UBAP2L: variants seen among roughly 807,000 people sequenced by gnomAD.
UBAP2L encodes the protein ubiquitin-associated protein 2-like.
UBAP2L carries 12 observed loss-of-function variants against 130.6 expected under a neutral mutation model. The ratio of observed to expected loss-of-function variants is 0.09; its 90% CI spans 0.06 to 0.15. The LOEUF is 0.15. UBAP2L is among the 10% of genes least tolerant of loss of function. The pLI, the probability that UBAP2L is intolerant of heterozygous loss-of-function variation, is 1.00. For synonymous variants in UBAP2L, 503 were observed against 524.7 expected, an observed-to-expected ratio of 0.96 and a Z score of 0.57; for missense variants, 965 against 1,332.5, an observed-to-expected ratio of 0.72 and a Z score of 4.29.
chr1:154,237,510 C>T (rs1235927894), intron 8 of UBAP2L, among the ~76,000 whole-genome samples: 1 of 152,162 alleles, frequency 6.6e-6, no homozygotes, highest in Non-Finnish European at 1.5e-5. Flanking sequence ...AGTGTATTTT[C>T]TAGTGTTTAT....
chr1:154,225,055 A>G (rs1667493892), intron 1 of UBAP2L, 29 bp from the exon 2 acceptor site: 1 of 1,548,004 alleles, frequency 6.5e-7, no homozygotes, highest in African/African-American at 1.4e-5. Context: ...GCCCACATTT[A>G]ATACCTAATT....
intron 9 of UBAP2L, 37 bp from the exon 10 acceptor site, chr1:154,243,180 C>T (rs753571836): frequency 1.9e-6 from 3 of 1,579,130 alleles, no homozygotes; most frequent in Non-Finnish European, 2.6e-6. Flanking sequence ...CTGTAGCATC[C>T]CTGACACCAA....
At chr1:154,262,991 C>T in intron 24 of UBAP2L, 2 of 1,029,156 alleles carry the variant, frequency 1.9e-6, no homozygotes, top group Non-Finnish European at 2.7e-6. Context: ...TCTTGCCTCC[C>T]TTCAGAATTC....
intron 26 of UBAP2L, 78 bp from the exon 27 acceptor site, chr1:154,270,122 T>C: frequency 6.7e-7 from 1 of 1,492,970 alleles, no homozygotes; most frequent in South Asian, 1.4e-5. Context: ...TTTGCACATC[T>C]CCACCTGAAG....
chr1:154,234,840 G>C, intron 5 of UBAP2L, 81 bp downstream of exon 5: 1 of 1,529,046 alleles, frequency 6.5e-7, no homozygotes, highest in Non-Finnish European at 8.9e-7. Context: ...CTGCTAGTCA[G>C]GACCTAGGAA....
intron 12 of UBAP2L, 33 bp from the exon 13 acceptor site, chr1:154,251,008 C>T: frequency 6.3e-7 from 1 of 1,580,340 alleles, no homozygotes. Context: ...TCATTAGCAT[C>T]TCTGGCTTCA....
intron 3 of UBAP2L, 36 bp from the exon 4 acceptor site, chr1:154,228,579 G>T: frequency 2.7e-6 from 4 of 1,491,834 alleles, no homozygotes; most frequent in Non-Finnish European, 3.7e-6. Context: ...GTGAGCATAA[G>T]CCTGTTCATG....
At chr1:154,250,269 G>A (rs1452250294) in intron 12 of UBAP2L, among the ~76,000 whole-genome samples, 1 of 152,066 alleles carries the variant, frequency 6.6e-6, no homozygotes, top group East Asian at 1.9e-4. Flanking sequence ...TGTTGCCCAG[G>A]TGTGTCTCTT....
chr1:154,238,289 C>T (rs996092176), intron 8 of UBAP2L, among the ~76,000 whole-genome samples: 3 of 152,188 alleles, frequency 2.0e-5, no homozygotes, highest in Non-Finnish European at 2.9e-5. Flanking sequence ...CATTTAGTTA[C>T]GAAATGTCCT....
chr1:154,238,889 C>T (rs556299438), intron 8 of UBAP2L, among the ~76,000 whole-genome samples: 23 of 149,924 alleles, frequency 1.5e-4, no homozygotes, highest in Non-Finnish European at 2.4e-4. Context: ...TACAGGTGCA[C>T]GCCACCACGC....
At position 154,243,101 on chromosome 1, in the gene UBAP2L, A is replaced by T. The variant is rs898951346; in HGVS notation, c.757-116A>T. On this transcript the variant is annotated intron_variant, in intron 9 of 26. Transcript: ENST00000428931. ...CCATTCAGGATTCCTCAGGGTAGATAGTTTTCTCTTTATAGGGCTTTCACT... is the reference window on the plus strand; with the variant it reads ...CCATTCAGGATTCCTCAGGGTAGATTGTTTTCTCTTTATAGGGCTTTCACT... 9.2e-6 allele frequency: 7 copies of T among 759,742 alleles called. No homozygotes were observed. The East Asian group carries it at 1.8e-4, about 20-fold the overall frequency. 47.1% of individuals were successfully genotyped at this position (759,742 alleles called of 1,614,324 possible). A position where few individuals can be genotyped will look rare whatever the true frequency, so the allele number is the denominator to read the frequency against.
chr1:154,235,108 T>G (rs1671181227), intron 5 of UBAP2L, 88 bp from the exon 6 acceptor site: 1 of 681,828 alleles, frequency 1.5e-6, no homozygotes, highest in Admixed American at 2.7e-5. Flanking sequence ...ATTTATATAT[T>G]TGTATATATC....
chr1:154,236,464 T>C, intron 6 of UBAP2L, 102 bp from the exon 7 acceptor site: 1 of 1,264,316 alleles, frequency 7.9e-7, no homozygotes, highest in South Asian at 1.2e-5. Flanking sequence ...CCTTTCAAAG[T>C]GCTGGGATTA....
chr1:154,232,217 G>A (rs72696241), intron 4 of UBAP2L, among the ~76,000 whole-genome samples: 29,149 of 151,856 alleles, frequency 0.19, 3,715 homozygotes, highest in Non-Finnish European at 0.28. Flanking sequence ...CCAGTTGCTT[G>A]GGAGGCTGAG....
intron 20 of UBAP2L, chr1:154,258,724 A>G (rs1013132252): frequency 5.2e-6 from 2 of 385,640 alleles, no homozygotes; most frequent in South Asian, 3.1e-5. Flanking sequence ...TGTCTACTCT[A>G]TTGGTATCAA....
chr1:154,259,939 C>CT lies in UBAP2L; in HGVS notation c.2497-5dup, dbSNP rs1319411271. ...TTGAATCTCTGCTCTTTTTTCCCCT[C>CT]TTTTCTAGGATTACTACAGCATCCC... On this transcript the variant is annotated splice_polypyrimidine_tract_variant and intron_variant, in intron 21 of 26. Transcript: ENST00000428931. 3 of 1,613,660 alleles carry CT rather than the reference C, an allele frequency of 1.9e-6. No homozygotes were observed. In the African/African-American group the frequency reaches 4.0e-5, roughly 22 times the overall value.
chr1:154,227,213 G>A (rs1172577634), intron 2 of UBAP2L, 69 bp from the exon 3 acceptor site: 9 of 1,395,786 alleles, frequency 6.4e-6, no homozygotes, highest in Middle Eastern at 3.6e-4. Flanking sequence ...GGAGGCTGAC[G>A]AAATAGGTTC....
intron 21 of UBAP2L, chr1:154,259,624 A>C: frequency 2.7e-6 from 1 of 373,484 alleles, no homozygotes. Flanking sequence ...AAATTATCGA[A>C]TGATCTGTTT....
Position 154,227,314 on chromosome 1 carries a change from G to A in UBAP2L, c.123G>A (p.Met41Ile), listed in dbSNP as rs200957487. 3 of 1,613,780 alleles carry A rather than the reference G, an allele frequency of 1.9e-6. No homozygotes were observed. In the Admixed American group the frequency reaches 5.0e-5, roughly 27 times the overall value. ...CAGAACAAATTAGACTTGCACAGAT[G>A]ATTTCGGACCATAATGATGCTGACT... ...ATAEQIRLAQMISDHNDADFE... is the reference protein window; with the variant it reads ...ATAEQIRLAQIISDHNDADFE... The change falls in exon 3 of 27, where the codon ATG becomes ATA. Residue 41 changes from methionine (M) to isoleucine (I), a missense_variant. Physicochemically the swap from Met to Ile is conservative, Grantham distance 10 (BLOSUM62 1). Coordinates refer to ENST00000428931, the MANE Select transcript of UBAP2L (RefSeq NM_014847.4).
Sources: allele counts gnomAD v4.1 joint callset (sites outside exome capture counted in the v4.1 genomes callset), GRCh38; gene constraint gnomAD v4.1.1; transcripts MANE v1.5; gene names NCBI Gene and HGNC (gene_info 2026-07-23, HGNC 2026-07-21).